Variants in USH2A observed in about 807,000 individuals in gnomAD.
The protein encoded by USH2A is Usher syndrome 2A (autosomal recessive, mild).
A neutral mutation model predicts 538.9 loss-of-function variants in USH2A; 443 were observed. The observed-to-expected ratio is 0.82, with a 90% CI of 0.76 to 0.89. The LOEUF is 0.89. Ranked by LOEUF, USH2A falls within the 40% of genes least tolerant of loss-of-function variation. The probability of loss-of-function intolerance (pLI) is 0.00; values close to 1 mark genes in which losing one functional copy is unlikely to be tolerated. For missense variants in USH2A, 6,633 were observed against 6,324.8 expected, an observed-to-expected ratio of 1.05 and a Z score of -1.65; for synonymous variants, 2,413 against 2,273.5, an observed-to-expected ratio of 1.06 and a Z score of -1.75.
chr1:216,357,646 ATCT>A (rs1445058319), intron 4 of USH2A, among the ~76,000 whole-genome samples: 8 of 152,284 alleles, frequency 5.3e-5, no homozygotes, highest in African/African-American at 1.4e-4. Context: ...ATGACCAATG[ATCT>A]TCTTAAGAAA....
At chr1:216,094,044 A>G (rs1249431283) in intron 22 of USH2A, among the ~76,000 whole-genome samples, 1 of 152,132 alleles carries the variant, frequency 6.6e-6, no homozygotes, top group African/African-American at 2.4e-5. Flanking sequence ...TCTATAAACA[A>G]GTGGTCCTGT....
chr1:215,736,658 A>G (rs986443282), intron 60 of USH2A, among the ~76,000 whole-genome samples: 1 of 152,050 alleles, frequency 6.6e-6, no homozygotes, highest in Non-Finnish European at 1.5e-5. Flanking sequence ...ACAATAAGAA[A>G]TAATCCAGTA....
chr1:215,630,102 A>T, intron 70 of USH2A: 1 of 516,956 alleles, frequency 1.9e-6, no homozygotes, highest in South Asian at 1.4e-5. Context: ...GGATATATGG[A>T]AGTCATCAAT....
At chr1:216,289,671 C>T (rs1315704220) in intron 10 of USH2A, among the ~76,000 whole-genome samples, 1 of 152,068 alleles carries the variant, frequency 6.6e-6, no homozygotes. Context: ...TTATAGGGGC[C>T]CATACATTTG....
At chr1:215,840,469 T>A (rs892106024) in intron 46 of USH2A, among the ~76,000 whole-genome samples, 25 of 152,164 alleles carry the variant, frequency 1.6e-4, no homozygotes, top group African/African-American at 6.0e-4. Context: ...TAGGCACTAA[T>A]AACAAAATTC....
intron 30 of USH2A, among the ~76,000 whole-genome samples, chr1:216,054,625 G>A (rs193030010): frequency 2.0e-5 from 3 of 152,190 alleles, no homozygotes; most frequent in East Asian, 1.9e-4. Context: ...AAAGGACTCC[G>A]TTTCTACTTA....
chr1:216,230,871 ATCTCAC>A (rs762098605), intron 14 of USH2A, among the ~76,000 whole-genome samples: 88 of 74,336 alleles, frequency 1.2e-3, no homozygotes, highest in East Asian at 3.6e-3. Flanking sequence ...CAAGCTCATA[ATCTCAC>A]TCTCTCTCTC....
At position 215,799,015 on chromosome 1, in the gene USH2A, C is replaced by A. The variant is rs1388923253; in HGVS notation, c.9850G>T (p.Gly3284Trp). 1 of 1,614,112 alleles carries A rather than the reference C, an allele frequency of 6.2e-7. No homozygotes were observed. Among genetic ancestry groups the A allele is most frequent in the Non-Finnish European group, 8.5e-7 (1 of 1,180,004 alleles). Residue 3284 changes from glycine (G) to tryptophan (W), a missense_variant, in exon 50 of 72, where the codon GGG becomes TGG. Transcript: ENST00000307340. ...TGGCCATGGCCATCATGAAGCCTCC[C>A]AGCACAGCAAATCTGGTTTCCTGAG... is the stretch of plus-strand genomic sequence containing the variant. ...STSGNQICCA[G>W]RLHDGHGQKC...
intron 10 of USH2A, 32 bp from the exon 11 acceptor site, chr1:216,289,442 T>G: frequency 6.2e-7 from 1 of 1,613,306 alleles, no homozygotes; most frequent in South Asian, 1.1e-5. Flanking sequence ...CATTATGACT[T>G]CTAATTCATT....
At chr1:216,418,856 C>G (rs554999968) in intron 2 of USH2A, among the ~76,000 whole-genome samples, 177 bp from the exon 3 acceptor site, 2 of 152,002 alleles carry the variant, frequency 1.3e-5, no homozygotes, top group Non-Finnish European at 2.9e-5. Flanking sequence ...AATGAAGAAG[C>G]CCCTTTATTT....
chr1:215,803,884 G>T (rs1256137740), intron 49 of USH2A, among the ~76,000 whole-genome samples: 1 of 151,920 alleles, frequency 6.6e-6, no homozygotes, highest in Non-Finnish European at 1.5e-5. Context: ...CTTCAAACTA[G>T]ACTACAAGGC....
chr1:215,691,953 G>A (rs1028139889), intron 61 of USH2A, among the ~76,000 whole-genome samples: 1 of 152,156 alleles, frequency 6.6e-6, no homozygotes, highest in Non-Finnish European at 1.5e-5. Context: ...AGTGGCAGAT[G>A]CAGGATGAGG....
Position 215,759,756 on chromosome 1 carries a change from A to G in USH2A, c.11135T>C (p.Val3712Ala). 6.2e-7 allele frequency: 1 copy of G among 1,614,118 alleles called. No homozygotes were observed. Among genetic ancestry groups the G allele is most frequent in the Middle Eastern group, 1.7e-4 (1 of 6,060 alleles). Reference protein sequence around the residue: ...WSLPEKPNGLVSQYQLSRNGN... With the variant: ...WSLPEKPNGLASQYQLSRNGN... ...ATTACGACTCAATTGATATTGAGAAACGAGGCCATTGGGCTTTTCTGGCAG... is the reference window on the plus strand; with the variant it reads ...ATTACGACTCAATTGATATTGAGAAGCGAGGCCATTGGGCTTTTCTGGCAG... The change falls in exon 57 of 72, where the codon GTT (valine) becomes GCT (alanine). Residue 3712 changes from valine (V) to alanine (A), a missense_variant. Transcript: ENST00000307340.
intron 37 of USH2A, among the ~76,000 whole-genome samples, chr1:215,946,140 CCAACTTCTATGTGT>C (rs1666752033): frequency 6.6e-6 from 1 of 152,088 alleles, no homozygotes; most frequent in Non-Finnish European, 1.5e-5. Flanking sequence ...CTTTCCTGGG[CCAACTTCTATGTGT>C]CATCACAAAT....
chr1:215,693,769 G>A (rs555025677), intron 61 of USH2A, among the ~76,000 whole-genome samples: 1 of 152,236 alleles, frequency 6.6e-6, no homozygotes, highest in African/African-American at 2.4e-5. Context: ...CCTCATGAAG[G>A]GGATGAAGGT....
chr1:216,170,373 G>T (rs1194209812), intron 21 of USH2A, among the ~76,000 whole-genome samples: 1 of 152,010 alleles, frequency 6.6e-6, no homozygotes, highest in Non-Finnish European at 1.5e-5. Context: ...TAGTGTCCTT[G>T]AACATCATTA....
At chr1:216,248,505 A>G (rs1437734790) in intron 12 of USH2A, among the ~76,000 whole-genome samples, 3 of 152,014 alleles carry the variant, frequency 2.0e-5, no homozygotes, top group African/African-American at 7.2e-5. Context: ...TCATATGTAG[A>G]AAAGCATTTC....
chr1:216,102,744 G>A (rs886205926), intron 21 of USH2A, among the ~76,000 whole-genome samples: 1 of 152,178 alleles, frequency 6.6e-6, no homozygotes, highest in Non-Finnish European at 1.5e-5. Flanking sequence ...AGCTTGCAGT[G>A]AGTGGAGATC....
intron 36 of USH2A, 148 bp from the exon 37 acceptor site, chr1:215,965,627 G>C: frequency 1.1e-6 from 1 of 913,634 alleles, no homozygotes; most frequent in Admixed American, 2.6e-5. Context: ...TTTGTCAGCA[G>C]GATCAAAGCA....
Sources: gnomAD v4.1 joint callset for allele counts (sites outside exome capture counted in the v4.1 genomes callset) on GRCh38, gnomAD v4.1.1 for gene constraint, MANE v1.5 for transcripts, NCBI Gene and HGNC (gene_info 2026-07-23, HGNC 2026-07-21) for gene names.